The following RASGRP3 variants were observed in gnomAD, a reference collection of about 807,000 sequenced individuals.
The protein encoded by RASGRP3 is ras guanyl-releasing protein 3.
Under a neutral mutation model 82.7 loss-of-function variants are expected in RASGRP3, and 54 were observed. That is an observed-to-expected ratio of 0.65 (90% CI 0.52 to 0.82). The LOEUF (loss-of-function observed/expected upper bound fraction) is 0.82. RASGRP3 is among the 40% of genes least tolerant of loss of function. RASGRP3 has a pLI of 0.00. For synonymous variants in RASGRP3, 309 were observed against 300.5 expected (o/e 1.03, Z -0.29); for missense variants, 861 against 828.9 (o/e 1.04, Z -0.48).
At chr2:33,499,534 G>A (rs2150976353) in intron 1 of RASGRP3, among the ~76,000 whole-genome samples, 1 of 152,188 alleles carries the variant, frequency 6.6e-6, no homozygotes, top group Non-Finnish European at 1.5e-5. Context: ...CTCCAGCCTG[G>A]GCAACGGAGT....
intron 10 of RASGRP3, among the ~76,000 whole-genome samples, chr2:33,530,496 CCT>C (rs1006567791): frequency 8.9e-5 from 12 of 134,838 alleles, no homozygotes; most frequent in East Asian, 4.1e-4. Flanking sequence ...CCTGCCCCTT[CCT>C]TTTTTTTTTT....
intron 1 of RASGRP3, among the ~76,000 whole-genome samples, chr2:33,439,865 A>T (rs1665128254): frequency 6.6e-6 from 1 of 152,154 alleles, no homozygotes; most frequent in African/African-American, 2.4e-5. Flanking sequence ...CGTGCATAAG[A>T]TCTGCCGGTT....
rs1169828890 is a variant in RASGRP3 at position 33,520,831 on chromosome 2, C to T, written c.368+147C>T. 9.5e-6 allele frequency: 10 copies of T among 1,047,998 alleles called. No homozygotes were observed. In the East Asian group the frequency reaches 1.5e-4, roughly 15 times the overall value. 64.9% of individuals were successfully genotyped at this position (1,047,998 alleles called of 1,614,324 possible). A position where few individuals can be genotyped will look rare whatever the true frequency, so the allele number is the denominator to read the frequency against. ...AAGCCTTGCTGCAGTGAGCGCAAGC[C>T]GTATGGGACACAGCTCATCTCTCCA... On this transcript the variant is annotated intron_variant, in intron 6 of 17. Coordinates refer to ENST00000403687, the MANE Select transcript of RASGRP3 (RefSeq NM_001139488.2).
At chr2:33,490,501 A>G (rs1668756982) in intron 1 of RASGRP3, among the ~76,000 whole-genome samples, 2 of 152,192 alleles carry the variant, frequency 1.3e-5, no homozygotes, top group South Asian at 4.1e-4. Context: ...AGCATTCAAC[A>G]TGATTGACAG....
At chr2:33,464,308 C>CG (rs1271334778) in intron 2 of RASGRP3, among the ~76,000 whole-genome samples, 7 of 150,062 alleles carry the variant, frequency 4.7e-5, no homozygotes, top group Admixed American at 1.3e-4. Context: ...TTAGTAGAGT[C>CG]GGGGTCTTAC....
intron 2 of RASGRP3, among the ~76,000 whole-genome samples, chr2:33,467,511 A>G (rs1257744512): frequency 7.9e-5 from 12 of 152,240 alleles, no homozygotes; most frequent in Admixed American, 7.2e-4. Flanking sequence ...AGATTGCACA[A>G]GATAGAATTT....
chr2:33,553,479 A>G (rs1471649485), intron 14 of RASGRP3, among the ~76,000 whole-genome samples: 1 of 152,152 alleles, frequency 6.6e-6, no homozygotes, highest in African/African-American at 2.4e-5. Flanking sequence ...TATCATTACC[A>G]AGGGCTCCAG....
chr2:33,458,302 T>C (rs1208472784), intron 2 of RASGRP3, among the ~76,000 whole-genome samples: 2 of 152,238 alleles, frequency 1.3e-5, no homozygotes, highest in African/African-American at 4.8e-5. Flanking sequence ...GCTTTGGCAA[T>C]GTGAATAATT....
At chr2:33,451,410 T>C (rs1665794996) in intron 2 of RASGRP3, among the ~76,000 whole-genome samples, 4 of 152,248 alleles carry the variant, frequency 2.6e-5, no homozygotes. Context: ...CATTTTTGTC[T>C]GATGCAATCT....
chr2:33,460,065 G>A (rs979855970), intron 2 of RASGRP3, among the ~76,000 whole-genome samples: 14 of 152,166 alleles, frequency 9.2e-5, no homozygotes, highest in Admixed American at 8.5e-4. Context: ...GGAAATAAAA[G>A]CATTAGCAAC....
chr2:33,557,001 GA>G (rs547426733), intron 15 of RASGRP3, among the ~76,000 whole-genome samples: 2,740 of 145,566 alleles, frequency 0.019, 62 homozygotes, highest in African/African-American at 0.052. Context: ...CACATAAAGT[GA>G]AAAAAAAAAT....
At chr2:33,525,921 G>A (rs1007463966) in intron 9 of RASGRP3, among the ~76,000 whole-genome samples, 15 of 151,822 alleles carry the variant, frequency 9.9e-5, no homozygotes, top group Non-Finnish European at 1.0e-4. Flanking sequence ...CAGGTGCTCC[G>A]CCCGCCTCTG....
At chr2:33,450,400 C>G (rs1266288176) in intron 2 of RASGRP3, among the ~76,000 whole-genome samples, 1 of 151,822 alleles carries the variant, frequency 6.6e-6, no homozygotes, top group African/African-American at 2.4e-5. Context: ...CTTCCCAGCC[C>G]CTTGCAATCC....
At chr2:33,451,099 C>T (rs573960663) in intron 2 of RASGRP3, among the ~76,000 whole-genome samples, 1 of 151,916 alleles carries the variant, frequency 6.6e-6, no homozygotes, top group East Asian at 1.9e-4. Context: ...CTCCTGACCT[C>T]GTGATCTGCC....
chr2:33,546,172 C>G (rs1261525373), intron 13 of RASGRP3, among the ~76,000 whole-genome samples: 1 of 151,392 alleles, frequency 6.6e-6, no homozygotes, highest in East Asian at 2.0e-4. Flanking sequence ...GCCTGTAATC[C>G]CAGAACTTTG....
chr2:33,527,109 A>G, intron 9 of RASGRP3, 28 bp from the exon 10 acceptor site: 1 of 1,610,940 alleles, frequency 6.2e-7, no homozygotes, highest in Non-Finnish European at 8.5e-7. Context: ...AAGTTGTTTG[A>G]AAATTCTACT....
intron 2 of RASGRP3, chr2:33,458,139 G>T (rs1558401312): frequency 1.3e-5 from 2 of 152,046 alleles, no homozygotes; most frequent in Non-Finnish European, 2.9e-5. Context: ...CAGTAAGTTG[G>T]GTCCAAAATC....
chr2:33,546,114 A>G (rs1219467625), intron 13 of RASGRP3, among the ~76,000 whole-genome samples: 2 of 151,640 alleles, frequency 1.3e-5, no homozygotes, highest in Non-Finnish European at 2.9e-5. Context: ...CCAGCCAAGA[A>G]TGGCTATTAC....
intron 1 of RASGRP3, among the ~76,000 whole-genome samples, chr2:33,478,162 A>G (rs1368261816): frequency 6.6e-6 from 1 of 152,198 alleles, no homozygotes; most frequent in African/African-American, 2.4e-5. Flanking sequence ...ATGTTCTCTG[A>G]TGGAAGCAGT....
Sources: allele counts gnomAD v4.1 joint callset (sites outside exome capture counted in the v4.1 genomes callset), GRCh38; gene constraint gnomAD v4.1.1; transcripts MANE v1.5; gene names NCBI Gene and HGNC (gene_info 2026-07-23, HGNC 2026-07-21).